SLC16A2: variants seen among roughly 807,000 people sequenced by gnomAD.
The protein encoded by SLC16A2 is monocarboxylate transporter 8.
Under a neutral mutation model 27.2 loss-of-function variants are expected in SLC16A2, and 3 were observed. The ratio of observed to expected loss-of-function variants is 0.11; its 90% CI spans 0.05 to 0.28. The LOEUF is 0.28. Ranked by LOEUF, SLC16A2 falls within the 10% of genes least tolerant of loss-of-function variation. The probability of loss-of-function intolerance (pLI) is 1.00; values close to 1 mark genes in which losing one functional copy is unlikely to be tolerated. For missense variants in SLC16A2, 295 were observed against 458.5 expected (o/e 0.64, Z 3.26); for synonymous variants, 202 against 187.8 (o/e 1.08, Z -0.62).
intron 1 of SLC16A2, among the ~76,000 whole-genome samples, chrX:74,448,277 C>T (rs1928873234): frequency 1.0e-5 from 1 of 99,925 alleles, no homozygotes; most frequent in Non-Finnish European, 2.0e-5. Flanking sequence ...GGTTTGGGAA[C>T]TATTTGTCTG....
chrX:74,434,974 C>A (rs1928598216), intron 1 of SLC16A2, among the ~76,000 whole-genome samples: 1 of 104,564 alleles, frequency 9.6e-6, no homozygotes, highest in African/African-American at 3.6e-5. Context: ...CAGGCACATG[C>A]CACCATGCCC....
At chrX:74,491,843 G>A (rs997857818) in intron 1 of SLC16A2, among the ~76,000 whole-genome samples, 7 of 112,209 alleles carry the variant, frequency 6.2e-5, no homozygotes, top group African/African-American at 1.3e-4. Context: ...AATGAATTTC[G>A]CCAGTTGCAG....
intron 1 of SLC16A2, among the ~76,000 whole-genome samples, chrX:74,467,694 C>T (rs1602118519): frequency 8.9e-6 from 1 of 111,906 alleles, no homozygotes; most frequent in African/African-American, 3.2e-5. Context: ...AAAAATTCTA[C>T]CAGTTTAAAA....
intron 1 of SLC16A2, among the ~76,000 whole-genome samples, chrX:74,476,088 C>T (rs1929471161): frequency 9.0e-6 from 1 of 111,399 alleles, no homozygotes; most frequent in Non-Finnish European, 1.9e-5. Context: ...GCCATTTTCA[C>T]AATATTGATT....
chrX:74,453,491 G>T (rs1044690023), intron 1 of SLC16A2, among the ~76,000 whole-genome samples: 2 of 111,334 alleles, frequency 1.8e-5, no homozygotes, highest in Non-Finnish European at 3.8e-5. Context: ...AGAGGGAGCT[G>T]CATTTAAACC....
intron 1 of SLC16A2, among the ~76,000 whole-genome samples, chrX:74,498,302 G>A (rs1044944237): frequency 1.8e-5 from 2 of 111,400 alleles, no homozygotes; most frequent in African/African-American, 6.5e-5. Context: ...TAGAACCTAA[G>A]ATTGGTCTTC....
At chrX:74,424,694 T>A (rs1315314033) in intron 1 of SLC16A2, among the ~76,000 whole-genome samples, 2 of 111,830 alleles carry the variant, frequency 1.8e-5, no homozygotes, top group Non-Finnish European at 3.8e-5. Flanking sequence ...GACTTCCATC[T>A]CTAAGAGTCT....
rs1408162451 is a variant in SLC16A2 at position 74,474,898 on chromosome X, G to C, written c.431-46092G>C. On this transcript the variant is annotated intron_variant, in intron 1 of 5. Transcript: ENST00000587091. The stretch of plus-strand genomic sequence containing the variant: ...CTATCATTGTTGGACATTTGGGTTG[G>C]TTCCAAGTCTTTGCTATTGTGAATA... 2.7e-5 allele frequency among the ~76,000 whole-genome samples: 3 copies of C among 110,540 alleles called. No individual in the cohort carries two copies. In the Admixed American group the frequency reaches 2.9e-4, roughly 11 times the overall value.
intron 1 of SLC16A2, among the ~76,000 whole-genome samples, chrX:74,499,787 T>C (rs888614016): frequency 3.6e-5 from 4 of 111,716 alleles, no homozygotes; most frequent in African/African-American, 1.3e-4. Flanking sequence ...AAAATATTTT[T>C]TTTACTGGTA....
chrX:74,501,857 A>G (rs958851520), intron 1 of SLC16A2, among the ~76,000 whole-genome samples: 4 of 111,848 alleles, frequency 3.6e-5, no homozygotes, highest in African/African-American at 1.3e-4. Context: ...AGATATACCT[A>G]ATGTAAATGA....
At chrX:74,467,118 C>A (rs1279612516) in intron 1 of SLC16A2, among the ~76,000 whole-genome samples, 1 of 112,342 alleles carries the variant, frequency 8.9e-6, no homozygotes, top group Non-Finnish European at 1.9e-5. Flanking sequence ...CCTCCATCTT[C>A]CTGCCTTTTT....
intron 1 of SLC16A2, among the ~76,000 whole-genome samples, chrX:74,478,894 T>A (rs1428161616): frequency 1.8e-5 from 2 of 111,778 alleles, no homozygotes; most frequent in African/African-American, 3.3e-5. Context: ...TAACCCGACC[T>A]TTCTCTCTGG....
At chrX:74,448,952 A>G (rs1928888930) in intron 1 of SLC16A2, among the ~76,000 whole-genome samples, 1 of 111,498 alleles carries the variant, frequency 9.0e-6, no homozygotes. Flanking sequence ...CCGCATCTTT[A>G]GCTGTGCTTA....
intron 1 of SLC16A2, among the ~76,000 whole-genome samples, chrX:74,471,706 C>T (rs1189360667): frequency 9.0e-6 from 1 of 111,392 alleles, no homozygotes; most frequent in African/African-American, 3.3e-5. Flanking sequence ...ATTTCAGTGG[C>T]ACTAAGTACA....
At chrX:74,502,008 A>T (rs1930046573) in intron 1 of SLC16A2, among the ~76,000 whole-genome samples, 1 of 111,660 alleles carries the variant, frequency 9.0e-6, no homozygotes, top group Admixed American at 9.5e-5. Context: ...AAAACCTTGT[A>T]GTCCTTCTCA....
chrX:74,451,314 GA>G (rs1447289704), intron 1 of SLC16A2, among the ~76,000 whole-genome samples: 3 of 111,957 alleles, frequency 2.7e-5, no homozygotes, highest in African/African-American at 9.7e-5. Flanking sequence ...AAGAATGTAT[GA>G]AGCCTAAAGC....
At chrX:74,486,006 AGGGGACCCAAAG>A (rs1363554003) in intron 1 of SLC16A2, among the ~76,000 whole-genome samples, 1 of 111,780 alleles carries the variant, frequency 8.9e-6, no homozygotes, top group East Asian at 2.8e-4. Context: ...ATGCAATGGG[AGGGGACCCAAAG>A]GGGGTTGCCC....
chrX:74,492,689 C>T (rs1212117615), intron 1 of SLC16A2, among the ~76,000 whole-genome samples: 4 of 111,341 alleles, frequency 3.6e-5, no homozygotes, highest in Admixed American at 9.5e-5. Flanking sequence ...ATCTTAATTG[C>T]CAGTCTTACT....
intron 1 of SLC16A2, among the ~76,000 whole-genome samples, chrX:74,514,657 G>T (rs1172832187): frequency 3.6e-5 from 4 of 111,647 alleles, no homozygotes; most frequent in Non-Finnish European, 5.6e-5. Flanking sequence ...GTGCCAAGGT[G>T]GTGTCAGTGA....
Sources: gnomAD v4.1 joint callset for allele counts (sites outside exome capture counted in the v4.1 genomes callset) on GRCh38, gnomAD v4.1.1 for gene constraint, MANE v1.5 for transcripts, NCBI Gene and HGNC (gene_info 2026-07-23, HGNC 2026-07-21) for gene names.